TEK: variants seen among roughly 807,000 people sequenced by gnomAD.
The protein encoded by TEK is angiopoietin-1 receptor.
Under a neutral mutation model 131.8 loss-of-function variants are expected in TEK, and 43 were observed. That is an observed-to-expected ratio of 0.33 (90% confidence interval 0.26 to 0.42). The LOEUF (loss-of-function observed/expected upper bound fraction) is 0.42. Ranked by LOEUF, TEK falls within the 10% of genes least tolerant of loss-of-function variation. The probability of loss-of-function intolerance (pLI) is 1.00; values close to 1 mark genes in which losing one functional copy is unlikely to be tolerated. For missense variants in TEK, 1,162 were observed against 1,384.4 expected, an observed-to-expected ratio of 0.84 and a Z score of 2.55; for synonymous variants, 580 against 491.6, an observed-to-expected ratio of 1.18 and a Z score of -2.38.
intron 1 of TEK, among the ~76,000 whole-genome samples, chr9:27,128,449 T>G (rs1434067268): frequency 3.9e-5 from 6 of 152,204 alleles, no homozygotes; most frequent in Non-Finnish European, 8.8e-5. Flanking sequence ...AGGATTGTCT[T>G]GGCTATGCGG....
intron 9 of TEK, among the ~76,000 whole-genome samples, chr9:27,188,955 G>C (rs1443830872): frequency 2.0e-5 from 3 of 152,248 alleles, no homozygotes; most frequent in East Asian, 3.9e-4. Flanking sequence ...ATTTTAAATA[G>C]GGTAATCAAG....
chr9:27,223,200 A>T (rs1230091536), intron 21 of TEK, among the ~76,000 whole-genome samples: 5 of 152,178 alleles, frequency 3.3e-5, no homozygotes, highest in Admixed American at 2.6e-4. Context: ...CCCCACTATC[A>T]ATATTAGACG....
At chr9:27,219,384 G>GGAATAGAAAAC (rs1825956650) in intron 20 of TEK, among the ~76,000 whole-genome samples, 1 of 152,072 alleles carries the variant, frequency 6.6e-6, no homozygotes, top group South Asian at 2.1e-4. Context: ...AACTAACACA[G>GGAATAGAAAAC]GAATAGAAAA....
chr9:27,177,628 T>C (rs1347991429), intron 6 of TEK, among the ~76,000 whole-genome samples: 1 of 152,176 alleles, frequency 6.6e-6, no homozygotes, highest in Admixed American at 6.5e-5. Context: ...TGCATGCCTT[T>C]AATCCCAGCT....
At position 27,168,457 on chromosome 9, in the gene TEK, G is replaced by A. The variant is rs779117164; in HGVS notation, c.365-38G>A. 63 of 1,496,424 alleles carry A rather than the reference G, an allele frequency of 4.2e-5. 1 individual carries two copies. In the East Asian group the frequency reaches 1.4e-3, roughly 33 times the overall value. The allele number at this position is 1,496,424 out of a possible 1,614,324, so 92.7% of individuals were successfully genotyped here. On this transcript the variant is annotated intron_variant, in intron 2 of 22. Coordinates refer to ENST00000380036, the MANE Select transcript of TEK (RefSeq NM_000459.5). ...TCAATTGCTCCTGGAGAAAATGTGT[G>A]ATCCCATTTTTGGTATTTGTTTTCT... is the stretch of plus-strand genomic sequence containing the variant.
intron 1 of TEK, among the ~76,000 whole-genome samples, chr9:27,146,599 C>A (rs994549752): frequency 6.6e-6 from 1 of 151,638 alleles, no homozygotes; most frequent in Non-Finnish European, 1.5e-5. Context: ...TAGGTTTTTT[C>A]TTTTCATTGT....
chr9:27,224,968 C>CA, intron 21 of TEK, among the ~76,000 whole-genome samples: 1 of 152,140 alleles, frequency 6.6e-6, no homozygotes, highest in Non-Finnish European at 1.5e-5. Context: ...CAATAGCAGA[C>CA]AAACAGAGAG....
At chr9:27,150,190 C>G (rs554346109) in intron 1 of TEK, among the ~76,000 whole-genome samples, 231 of 152,276 alleles carry the variant, frequency 1.5e-3, no homozygotes, top group African/African-American at 5.4e-3. Flanking sequence ...GTTAACACTG[C>G]TACTCTGGGG....
chr9:27,219,898 G>A, intron 20 of TEK, 151 bp from the exon 21 acceptor site: 1 of 770,066 alleles, frequency 1.3e-6, no homozygotes, highest in Non-Finnish European at 2.3e-6. Flanking sequence ...GCTTTGATGT[G>A]CAGTGAGTTT....
chr9:27,115,382 C>G (rs888867915), intron 1 of TEK, among the ~76,000 whole-genome samples: 1 of 151,922 alleles, frequency 6.6e-6, no homozygotes, highest in Non-Finnish European at 1.5e-5. Flanking sequence ...GCATGTAGTC[C>G]CAGCTACTCG....
intron 1 of TEK, among the ~76,000 whole-genome samples, chr9:27,124,463 G>C (rs1821913828): frequency 6.6e-6 from 1 of 152,234 alleles, no homozygotes; most frequent in African/African-American, 2.4e-5. Flanking sequence ...GAGCTAAGTA[G>C]AAACAAGTAA....
chr9:27,129,321 T>C (rs1822120902), intron 1 of TEK, among the ~76,000 whole-genome samples: 1 of 152,202 alleles, frequency 6.6e-6, no homozygotes, highest in Non-Finnish European at 1.5e-5. Flanking sequence ...ATTTGTGCTG[T>C]ACAGTGTGTA....
At chr9:27,211,894 A>G (rs764944459) in intron 16 of TEK, among the ~76,000 whole-genome samples, 2 of 152,160 alleles carry the variant, frequency 1.3e-5, no homozygotes, top group Non-Finnish European at 2.9e-5. Flanking sequence ...TGTTTTTAGC[A>G]AGTAAATTCC....
chr9:27,146,750 G>C (rs201751358), intron 1 of TEK, among the ~76,000 whole-genome samples: 5 of 148,264 alleles, frequency 3.4e-5, no homozygotes, highest in African/African-American at 1.0e-4. Context: ...TGGCGGGGGG[G>C]ACGGAGTCTT....
Position 27,203,083 on chromosome 9 carries a change from T to G in TEK, c.2173T>G (p.Phe725Val), listed in dbSNP as rs1825278375. The G allele has an allele frequency of 6.2e-7, 1 of 1,613,970 alleles. No individual in the cohort carries two copies. Among genetic ancestry groups the G allele is most frequent in the Non-Finnish European group, 8.5e-7 (1 of 1,179,982 alleles). ...ENNIGSSNPA[F>V]SHELVTLPES... ...CAACATAGGGTCAAGCAACCCAGCC[T>G]TTTCTCATGAACTGGTGACCCTCCC... The change falls in exon 13 of 23, where the codon TTT becomes GTT. Residue 725 changes from phenylalanine (F) to valine (V), a missense_variant. Phe to Val is a conservative substitution (Grantham distance 50). Coordinates refer to ENST00000380036, the MANE Select transcript of TEK (RefSeq NM_000459.5).
intron 3 of TEK, 82 bp from the exon 4 acceptor site, chr9:27,169,395 A>C: frequency 6.3e-7 from 1 of 1,582,706 alleles, no homozygotes; most frequent in Non-Finnish European, 8.7e-7. Flanking sequence ...TGTCAGGGAA[A>C]GCTAATTAAG....
chr9:27,164,736 G>C (rs1291957893), intron 2 of TEK, among the ~76,000 whole-genome samples: 1 of 152,046 alleles, frequency 6.6e-6, no homozygotes, highest in African/African-American at 2.4e-5. Flanking sequence ...GGGTCTCACT[G>C]TGTTGCCTAG....
intron 18 of TEK, among the ~76,000 whole-genome samples, chr9:27,216,306 G>T (rs1355549008): frequency 6.6e-6 from 1 of 152,170 alleles, no homozygotes. Context: ...TTGTCATCAG[G>T]TGTGGTATGA....
At chr9:27,219,367 C>T (rs933662474) in intron 20 of TEK, among the ~76,000 whole-genome samples, 3 of 152,130 alleles carry the variant, frequency 2.0e-5, no homozygotes, top group Non-Finnish European at 4.4e-5. Flanking sequence ...AACCATCATC[C>T]TCAGTAAACT....
Sources: gnomAD v4.1 joint callset for allele counts (sites outside exome capture counted in the v4.1 genomes callset) on GRCh38, gnomAD v4.1.1 for gene constraint, MANE v1.5 for transcripts, NCBI Gene and HGNC (gene_info 2026-07-23, HGNC 2026-07-21) for gene names.